Variants in USP32 observed in about 807,000 individuals in gnomAD.
USP32 encodes ubiquitin specific peptidase 32, also known as ubiquitin carboxyl-terminal hydrolase 32.
Under a neutral mutation model 204.8 loss-of-function variants are expected in USP32, and 59 were observed. That is an observed-to-expected ratio of 0.29 (90% CI 0.23 to 0.36). USP32 has a LOEUF of 0.36. Ranked by LOEUF, USP32 falls within the 10% of genes least tolerant of loss-of-function variation. The probability of loss-of-function intolerance (pLI) is 1.00; values close to 1 mark genes in which losing one functional copy is unlikely to be tolerated. For missense variants in USP32, 1,160 were observed against 1,946.4 expected (o/e 0.60, Z 7.60); for synonymous variants, 517 against 678.4 (o/e 0.76, Z 3.70).
intron 1 of USP32, among the ~76,000 whole-genome samples, chr17:60,366,867 G>A (rs1257694918): frequency 6.6e-6 from 1 of 151,924 alleles, no homozygotes; most frequent in Non-Finnish European, 1.5e-5. Context: ...CTGTCACCCA[G>A]GCTGGAGTGC....
chr17:60,284,290 T>C (rs1188429476), intron 5 of USP32, among the ~76,000 whole-genome samples: 2 of 151,094 alleles, frequency 1.3e-5, no homozygotes, highest in Non-Finnish European at 2.9e-5. Context: ...CTTGGCTCAC[T>C]GCAACCCCCG....
At chr17:60,380,024 C>CAA in intron 1 of USP32, among the ~76,000 whole-genome samples, 1 of 152,006 alleles carries the variant, frequency 6.6e-6, no homozygotes, top group Non-Finnish European at 1.5e-5. Flanking sequence ...TAAAAATACT[C>CAA]AAATACAAAG....
intron 5 of USP32, among the ~76,000 whole-genome samples, chr17:60,280,072 T>C (rs1187925481): frequency 6.6e-6 from 1 of 151,856 alleles, no homozygotes; most frequent in African/African-American, 2.4e-5. Flanking sequence ...ATCTAAAATC[T>C]TGGGTAAATT....
chr17:60,254,564 T>C (rs1172674598), intron 10 of USP32, among the ~76,000 whole-genome samples: 2 of 152,144 alleles, frequency 1.3e-5, no homozygotes, highest in African/African-American at 2.4e-5. Flanking sequence ...CCAGGCGTGG[T>C]GGCACATGCC....
chr17:60,241,967 A>G (rs2085889255), intron 11 of USP32, among the ~76,000 whole-genome samples: 1 of 152,038 alleles, frequency 6.6e-6, no homozygotes, highest in Admixed American at 6.6e-5. Context: ...GATTTTCTAC[A>G]TTTGCTTTTC....
intron 2 of USP32, among the ~76,000 whole-genome samples, chr17:60,326,982 G>A (rs1169403148): frequency 2.6e-5 from 4 of 152,112 alleles, no homozygotes; most frequent in African/African-American, 4.8e-5. Context: ...GAAAGGGAGG[G>A]GGAGGAAGTG....
rs2084851164 is a variant in USP32 at position 60,207,183 on chromosome 17, G to A, written c.2926-51C>T. The A allele has an allele frequency of 1.9e-6, 3 of 1,573,160 alleles. No homozygotes were observed. In the South Asian group the frequency reaches 3.4e-5, roughly 18 times the overall value. ...AGGGGGAGATGTTTCAGATAAAATG[G>A]AAAAGTTCTCTCTCTAACATATTTC... On this transcript the variant is annotated intron_variant, in intron 24 of 33. Coordinates refer to ENST00000300896, the MANE Select transcript of USP32 (RefSeq NM_032582.4).
At chr17:60,252,555 G>A (rs751888217) in intron 10 of USP32, 113 bp from the exon 11 acceptor site, 106 of 731,522 alleles carry the variant, frequency 1.4e-4, no homozygotes, top group South Asian at 6.2e-4. Flanking sequence ...TTCAACTCAT[G>A]AATTATCAAT....
chr17:60,392,089 G>A lies in USP32; in HGVS notation c.-150C>T, dbSNP rs2089849752. 2 of 813,234 alleles carry A rather than the reference G, an allele frequency of 2.5e-6. No homozygotes were observed. Among genetic ancestry groups the A allele is most frequent in the South Asian group, 3.7e-5 (2 of 53,556 alleles). 50.4% of individuals were successfully genotyped at this position (813,234 alleles called of 1,614,324 possible). Reference sequence around the variant, plus strand: ...CACTAACAAGTGCGGCTTCTGCCCCGGCGGCTCCTCCCGGTCGCCGCCACC... The same window carrying A: ...CACTAACAAGTGCGGCTTCTGCCCCAGCGGCTCCTCCCGGTCGCCGCCACC... On this transcript the variant is annotated 5_prime_UTR_variant, in exon 1 of 34. Transcript: ENST00000300896.
intron 2 of USP32, among the ~76,000 whole-genome samples, chr17:60,341,544 A>G (rs1212102446): frequency 6.6e-6 from 1 of 152,142 alleles, no homozygotes; most frequent in East Asian, 1.9e-4. Context: ...ACACCAATCA[A>G]ACGTAGATTT....
intron 13 of USP32, 38 bp from the exon 14 acceptor site, chr17:60,223,624 G>A (rs1453971238): frequency 2.0e-5 from 31 of 1,552,800 alleles, no homozygotes; most frequent in Non-Finnish European, 2.6e-5. Flanking sequence ...CTTATTTTTA[G>A]TTATTATACA....
intron 1 of USP32, among the ~76,000 whole-genome samples, chr17:60,419,796 C>T (rs2090092458): frequency 6.8e-6 from 1 of 148,042 alleles, no homozygotes; most frequent in Admixed American, 6.8e-5. Context: ...TATAACAAAC[C>T]TGCAACTCAA....
chr17:60,364,314 G>A (rs2089271630), intron 1 of USP32, among the ~76,000 whole-genome samples: 1 of 152,056 alleles, frequency 6.6e-6, no homozygotes, highest in Middle Eastern at 3.2e-3. Context: ...TGAATTTGGT[G>A]GTATAAGGGA....
chr17:60,281,717 T>G (rs952240030), intron 5 of USP32, among the ~76,000 whole-genome samples: 1 of 152,176 alleles, frequency 6.6e-6, no homozygotes, highest in Non-Finnish European at 1.5e-5. Context: ...ACAGCAATAG[T>G]AAGTGGCAGG....
At chr17:60,192,717 G>C in intron 28 of USP32, 127 bp downstream of exon 28, 1 of 1,212,494 alleles carries the variant, frequency 8.2e-7, no homozygotes. Context: ...GAGCCACCGT[G>C]CCCAGCCACA....
At chr17:60,195,824 C>A (rs2084499988) in intron 27 of USP32, among the ~76,000 whole-genome samples, 1 of 152,200 alleles carries the variant, frequency 6.6e-6, no homozygotes. Context: ...GTATCTCCAG[C>A]AGAGGACATT....
chr17:60,329,963 C>T (rs1238768560), intron 2 of USP32, among the ~76,000 whole-genome samples: 3 of 152,248 alleles, frequency 2.0e-5, no homozygotes, highest in East Asian at 3.9e-4. Flanking sequence ...GTAAGTTATT[C>T]GTATGCCCTT....
intron 1 of USP32, among the ~76,000 whole-genome samples, chr17:60,373,073 G>A (rs766867900): frequency 6.6e-6 from 1 of 151,992 alleles, no homozygotes; most frequent in Non-Finnish European, 1.5e-5. Context: ...AGGCTAAGGT[G>A]GGAGGATAGC....
At chr17:60,396,280 G>A (rs2089900613), upstream of USP32, among the ~76,000 whole-genome samples, 1 of 151,858 alleles carries the variant, frequency 6.6e-6, no homozygotes, top group Non-Finnish European at 1.5e-5. Flanking sequence ...TTTCTGTAGA[G>A]AGCCCAGGCT....
Sources: allele counts gnomAD v4.1 joint callset (sites outside exome capture counted in the v4.1 genomes callset), GRCh38; gene constraint gnomAD v4.1.1; transcripts MANE v1.5; gene names NCBI Gene and HGNC (gene_info 2026-07-23, HGNC 2026-07-21).